Variants in CSNK1G1 observed in about 807,000 individuals in gnomAD.
The protein encoded by CSNK1G1 is casein kinase I isoform gamma-1.
CSNK1G1 carries 22 observed loss-of-function variants against 59.6 expected under a neutral mutation model. The ratio of observed to expected loss-of-function variants is 0.37; its 90% confidence interval spans 0.26 to 0.53. CSNK1G1 has a LOEUF of 0.53. CSNK1G1 is among the 20% of genes least tolerant of loss of function. The pLI is 0.89. For synonymous variants in CSNK1G1, 179 were observed against 177.1 expected (o/e 1.01, Z -0.08); for missense variants, 384 against 519.5 (o/e 0.74, Z 2.54).
intron 1 of CSNK1G1, among the ~76,000 whole-genome samples, chr15:64,323,366 C>T (rs1376838886): frequency 2.0e-5 from 3 of 146,350 alleles, no homozygotes; most frequent in Non-Finnish European, 3.0e-5. Flanking sequence ...ACTGACTATA[C>T]TTTTTTTTTT....
chr15:64,251,466 A>G (rs754990180), intron 4 of CSNK1G1, 46 bp downstream of exon 4: 5 of 1,386,284 alleles, frequency 3.6e-6, no homozygotes, highest in Non-Finnish European at 4.0e-6. Flanking sequence ...TAGGGCTTCC[A>G]GCTAAGATAC....
At chr15:64,333,962 A>T (rs1432159714) in intron 1 of CSNK1G1, among the ~76,000 whole-genome samples, 2 of 152,196 alleles carry the variant, frequency 1.3e-5, no homozygotes, top group African/African-American at 4.8e-5. Context: ...GGGGACTTCA[A>T]CACTCCACTG....
intron 2 of CSNK1G1, among the ~76,000 whole-genome samples, chr15:64,276,627 A>C (rs1237864458): frequency 1.3e-5 from 2 of 152,148 alleles, no homozygotes; most frequent in African/African-American, 4.8e-5. Context: ...GTAGGAAAAA[A>C]AAGGTACAAC....
In CSNK1G1 at chr15:64,248,381, T is replaced by G. The variant is rs1215123532; in HGVS notation, c.292+3131A>C. 3.9e-5 allele frequency among the ~76,000 whole-genome samples: 6 copies of G among 152,210 alleles called. No individual in the cohort carries two copies. The East Asian group carries it at 1.2e-3, about 29-fold the overall frequency. On this transcript the variant is annotated intron_variant, in intron 4 of 11. Transcript: ENST00000303052. ...CAAGGAATATTTTTATTAATAACAT[T>G]GGTAAAAATCTAAAAAGGCAAGCTT...
intron 4 of CSNK1G1, among the ~76,000 whole-genome samples, chr15:64,249,405 T>C (rs1891948180): frequency 6.6e-6 from 1 of 152,214 alleles, no homozygotes; most frequent in African/African-American, 2.4e-5. Flanking sequence ...GGTATTAAGA[T>C]GATGCCCACC....
intron 2 of CSNK1G1, among the ~76,000 whole-genome samples, chr15:64,288,425 T>C (rs527283539): frequency 1.3e-5 from 2 of 152,252 alleles, no homozygotes; most frequent in African/African-American, 4.8e-5. Flanking sequence ...TAAGGAGGTA[T>C]CTAGACGACA....
chr15:64,271,013 C>T (rs1247810469), intron 2 of CSNK1G1, among the ~76,000 whole-genome samples: 9 of 152,010 alleles, frequency 5.9e-5, no homozygotes, highest in Admixed American at 4.6e-4. Context: ...GACAGAGTCT[C>T]GCTCTGTCTC....
chr15:64,172,489 T>C (rs191056812), intron 11 of CSNK1G1, among the ~76,000 whole-genome samples: 3 of 152,292 alleles, frequency 2.0e-5, no homozygotes, highest in East Asian at 3.9e-4. Context: ...TCTCAGGATG[T>C]TACCAATGAA....
At chr15:64,242,795 G>A (rs1453232440) in intron 4 of CSNK1G1, among the ~76,000 whole-genome samples, 2 of 152,056 alleles carry the variant, frequency 1.3e-5, no homozygotes, top group Non-Finnish European at 2.9e-5. Flanking sequence ...AAACTACATA[G>A]CAATATTCCT....
chr15:64,180,293 A>T, intron 11 of CSNK1G1, 55 bp downstream of exon 11: 1 of 1,269,848 alleles, frequency 7.9e-7, no homozygotes, highest in Non-Finnish European at 1.2e-6. Context: ...AGAGGAAGAG[A>T]CAGAAAAGAT....
rs186979892 is a variant in CSNK1G1, at chr15:64,169,009, G to C, written c.*2922C>G. On this transcript the variant is annotated 3_prime_UTR_variant, in exon 12 of 12. Coordinates refer to ENST00000303052, the MANE Select transcript of CSNK1G1 (RefSeq NM_022048.5). ...TTTGTGAGGTTGGAAGGTGAGAACA[G>C]TGTCTTAGGAAGTACAGTCCCCTAC... 1 of 152,606 alleles carries C rather than the reference G, an allele frequency of 6.6e-6. No individual in the cohort carries two copies. Among genetic ancestry groups the C allele is most frequent in the African/African-American group, 2.4e-5 (1 of 41,460 alleles). The allele number at this position is 152,606 out of a possible 1,614,324, so 9.5% of individuals were successfully genotyped here.
intron 7 of CSNK1G1, 30 bp from the exon 8 acceptor site, chr15:64,204,979 T>A: frequency 7.8e-7 from 1 of 1,279,858 alleles, no homozygotes; most frequent in Non-Finnish European, 1.1e-6. Context: ...AAAGTTACTT[T>A]AAAAGAGGGC....
intron 4 of CSNK1G1, among the ~76,000 whole-genome samples, chr15:64,224,251 A>G (rs1389141653): frequency 1.3e-5 from 2 of 152,198 alleles, no homozygotes; most frequent in Non-Finnish European, 2.9e-5. Context: ...ATCAATAGTA[A>G]TAGTTTCTAG....
chr15:64,181,072 T>C, intron 10 of CSNK1G1: 1 of 1,244,710 alleles, frequency 8.0e-7, no homozygotes, highest in Non-Finnish European at 1.1e-6. Context: ...CCTTCAGAAA[T>C]TTCCTCATGG....
intron 11 of CSNK1G1, among the ~76,000 whole-genome samples, chr15:64,174,579 G>T (rs1249597635): frequency 3.9e-5 from 6 of 152,168 alleles, no homozygotes; most frequent in African/African-American, 1.4e-4. Flanking sequence ...CATGGCTTAG[G>T]TTTCCTTTCA....
chr15:64,276,462 G>A (rs1413068950), intron 2 of CSNK1G1, among the ~76,000 whole-genome samples: 1 of 151,974 alleles, frequency 6.6e-6, no homozygotes, highest in African/African-American at 2.4e-5. Context: ...ATTTCATTAT[G>A]GGTCTGAAAC....
chr15:64,213,098 ATCTGAGAATAT>A lies in CSNK1G1; in HGVS notation c.679+781_679+791del, dbSNP rs372310790. On this transcript the variant is annotated intron_variant, in intron 6 of 11. Coordinates refer to ENST00000303052, the MANE Select transcript of CSNK1G1 (RefSeq NM_022048.5). ...AATTATTTCTGCCTAGGAGTATGGA[ATCTGAGAATAT>A]TCTGCTTGTCTACTCTCTAGAATGT... Among the ~76,000 whole-genome samples, 429 of 152,332 alleles carry A rather than the reference ATCTGAGAATAT, an allele frequency of 2.8e-3. 2 individuals are homozygous for A. Among genetic ancestry groups the A allele is most frequent in the African/African-American group, 9.5e-3 (396 of 41,580 alleles).
intron 1 of CSNK1G1, among the ~76,000 whole-genome samples, chr15:64,326,209 A>T (rs1242671447): frequency 2.0e-5 from 3 of 152,160 alleles, no homozygotes; most frequent in Non-Finnish European, 4.4e-5. Flanking sequence ...TATTTTTAGT[A>T]GAGACAGGGT....
At chr15:64,238,136 G>C (rs1022502673) in intron 4 of CSNK1G1, among the ~76,000 whole-genome samples, 1 of 152,002 alleles carries the variant, frequency 6.6e-6, no homozygotes, top group Non-Finnish European at 1.5e-5. Flanking sequence ...CTCTTTCACT[G>C]GGGGAAATTT....
Sources: allele counts gnomAD v4.1 joint callset (sites outside exome capture counted in the v4.1 genomes callset), GRCh38; gene constraint gnomAD v4.1.1; transcripts MANE v1.5; gene names NCBI Gene and HGNC (gene_info 2026-07-23, HGNC 2026-07-21).